TMEM94: variants seen among roughly 807,000 people sequenced by gnomAD.
The protein encoded by TMEM94 is transmembrane protein 94, also known as ER Mg2+ ATPase.
TMEM94 carries 81 observed loss-of-function variants against 158.6 expected under a neutral mutation model. That is an observed-to-expected ratio of 0.51 (90% CI 0.43 to 0.61). TMEM94 has a LOEUF of 0.61. Ranked by LOEUF, TMEM94 falls within the 20% of genes least tolerant of loss-of-function variation. The pLI is 0.00. For synonymous variants in TMEM94, 751 were observed against 730.7 expected (o/e 1.03, Z -0.45); for missense variants, 1,435 against 1,762.0 (o/e 0.81, Z 3.32).
intron 2 of TMEM94, among the ~76,000 whole-genome samples, chr17:75,480,381 C>A (rs947296429): frequency 1.3e-5 from 2 of 152,250 alleles, no homozygotes; most frequent in African/African-American, 4.8e-5. Context: ...ACATAACAAG[C>A]GGGGGCAGAT....
chr17:75,484,732 C>A (rs1223849394), intron 2 of TMEM94, among the ~76,000 whole-genome samples: 1 of 151,734 alleles, frequency 6.6e-6, no homozygotes, highest in Non-Finnish European at 1.5e-5. Context: ...TCCCTCTCTC[C>A]ATTTAAAAAA....
rs764306358 is a variant in TMEM94 at position 75,465,675 on chromosome 17, ATATATT to A, written c.-106-6123_-106-6118del. Reference sequence around the variant, plus strand: ...AATTTTTATATATATATATATATATATATATTTTTTTTTAATCCCAAAGACTTCAAA... The same window carrying A: ...AATTTTTATATATATATATATATATATTTTTTTAATCCCAAAGACTTCAAA... On this transcript the variant is annotated intron_variant, in intron 1 of 31. Transcript: ENST00000314256. Among the ~76,000 whole-genome samples the A allele has an allele frequency of 2.2e-3, 167 of 77,112 alleles. 3 individuals carry two copies. Among genetic ancestry groups the A allele is most frequent in the Middle Eastern group, 7.2e-3 (1 of 138 alleles). The allele number at this position is 77,112 out of a possible 152,430, so 50.6% of individuals were successfully genotyped here. A position where few individuals can be genotyped will look rare whatever the true frequency, so the allele number is the denominator to read the frequency against.
At chr17:75,497,921 G>T in intron 27 of TMEM94, 59 bp downstream of exon 27, 1 of 1,503,774 alleles carries the variant, frequency 6.6e-7, no homozygotes. Flanking sequence ...TGAGGATTGG[G>T]GGAGGAGAGA....
At chr17:75,490,667 T>C (rs1414684061) in intron 10 of TMEM94, 35 bp from the exon 11 acceptor site, 1 of 1,603,834 alleles carries the variant, frequency 6.2e-7, no homozygotes, top group African/African-American at 1.3e-5. Flanking sequence ...AGGCGGCGTT[T>C]TCCTCACTGA....
chr17:75,467,524 T>C (rs974868485), intron 1 of TMEM94, among the ~76,000 whole-genome samples: 5 of 136,582 alleles, frequency 3.7e-5, no homozygotes, highest in South Asian at 2.5e-4. Context: ...CTTTTTCTTT[T>C]TTTTTTTTTT....
chr17:75,478,744 C>G (rs1364732112), intron 2 of TMEM94, among the ~76,000 whole-genome samples: 1 of 152,186 alleles, frequency 6.6e-6, no homozygotes, highest in African/African-American at 2.4e-5. Context: ...TAAGCCTGAG[C>G]AGTGAAAACA....
chr17:75,478,348 AAGAAAG>A (rs1346530062), intron 2 of TMEM94, among the ~76,000 whole-genome samples: 5 of 147,906 alleles, frequency 3.4e-5, no homozygotes, highest in African/African-American at 1.3e-4. Context: ...AAAAAAAAAA[AAGAAAG>A]AAAGAAAAGA....
chr17:75,494,927 G>T lies in TMEM94; in HGVS notation c.2621G>T (p.Gly874Val). Residue 874 changes from glycine to valine, a missense_variant, in exon 20 of 32, where the codon GGC becomes GTC. This residue lies in a region of TMEM94 where 1,051 missense variants were observed against 1,254.4 expected (regional missense o/e 0.84). Coordinates refer to ENST00000314256, the MANE Select transcript of TMEM94 (RefSeq NM_014738.6). ...GCAGAAAAAATGGGCCTGGAGACAG[G>T]CTGGAACTGCCACATCTCCCTCACA... ...VFAEKMGLET[G>V]WNCHISLTPN... 1 of 1,613,478 alleles carries T rather than the reference G, an allele frequency of 6.2e-7. No individual in the cohort carries two copies. Among genetic ancestry groups the T allele is most frequent in the Non-Finnish European group, 8.5e-7 (1 of 1,180,024 alleles).
intron 1 of TMEM94, among the ~76,000 whole-genome samples, chr17:75,462,151 C>A (rs1488478026): frequency 6.6e-6 from 1 of 151,150 alleles, no homozygotes; most frequent in African/African-American, 2.4e-5. Flanking sequence ...GCTGGGACTA[C>A]AGGCGCCCAC....
chr17:75,460,547 T>A (rs886218160), intron 1 of TMEM94, among the ~76,000 whole-genome samples: 4 of 150,120 alleles, frequency 2.7e-5, no homozygotes, highest in Admixed American at 2.0e-4. Context: ...CAGAACTTGC[T>A]CTGTAGCCCA....
chr17:75,492,032 G>A lies in TMEM94; in HGVS notation c.1596+132G>A. ...CCTCTGTCCCAGCACCTCCAGGCTA[G>A]GCCAGTGGTCCCTGAGGCCCTCCCC... On this transcript the variant is annotated intron_variant, in intron 14 of 31. Coordinates refer to ENST00000314256, the MANE Select transcript of TMEM94 (RefSeq NM_014738.6). The surrounding 1 kb of genome is among the most constrained non-coding windows in gnomAD (Gnocchi z 4.4). The A allele has an allele frequency of 1.0e-6, 1 of 976,556 alleles. No individual in the cohort carries two copies. Among genetic ancestry groups the A allele is most frequent in the South Asian group, 1.6e-5 (1 of 60,672 alleles). The allele number at this position is 976,556 out of a possible 1,614,324, so 60.5% of individuals were successfully genotyped here. A position where few individuals can be genotyped will look rare whatever the true frequency, so the allele number is the denominator to read the frequency against.
intron 2 of TMEM94, among the ~76,000 whole-genome samples, chr17:75,481,271 G>C (rs927265094): frequency 6.6e-6 from 1 of 152,252 alleles, no homozygotes; most frequent in Non-Finnish European, 1.5e-5. Flanking sequence ...TTACCCATGT[G>C]GGGGTGTGAG....
chr17:75,471,453 T>C (rs1177360334), intron 1 of TMEM94, among the ~76,000 whole-genome samples: 1 of 151,950 alleles, frequency 6.6e-6, no homozygotes, highest in Non-Finnish European at 1.5e-5. Context: ...CGTACCATAC[T>C]GTGGTTTAGA....
Position 75,491,588 on chromosome 17 carries a change from G to A in TMEM94, c.1387-103G>A. 2 of 1,554,434 alleles carry A rather than the reference G, an allele frequency of 1.3e-6. No homozygotes were observed. Among genetic ancestry groups the A allele is most frequent in the Admixed American group, 1.7e-5 (1 of 58,392 alleles). ...TGGGCACCATTAGGATCTGCTTCTG[G>A]GCAGGTGAGGTGAAGACAAGGCAGC... On this transcript the variant is annotated intron_variant, in intron 13 of 31. Coordinates refer to ENST00000314256, the MANE Select transcript of TMEM94 (RefSeq NM_014738.6). This position sits in a 1 kb window ranked among gnomAD's most constrained non-coding sequence, Gnocchi z 5.1.
chr17:75,464,668 C>CTTTCTTTCT (rs1567906945), intron 1 of TMEM94, among the ~76,000 whole-genome samples: 4 of 103,944 alleles, frequency 3.8e-5, no homozygotes, highest in African/African-American at 1.4e-4. Flanking sequence ...TCCTTCCTTC[C>CTTTCTTTCT]TTCCTTCCTT....
rs563641086 is a variant in TMEM94, at chr17:75,492,421, T to G, written c.1597-53T>G. 1.3e-6 allele frequency: 2 copies of G among 1,527,188 alleles called. No homozygotes were observed. The highest frequency in any genetic ancestry group is 4.0e-5 in the Admixed American group (2 of 49,678). 94.6% of individuals were successfully genotyped at this position (1,527,188 alleles called of 1,614,324 possible). A position where few individuals can be genotyped will look rare whatever the true frequency, so the allele number is the denominator to read the frequency against. ...CTTGGGAGGTGGGCAGAGCCAGTGC[T>G]GGCTTCCCCACACCCTATCCCGGGC... On this transcript the variant is annotated intron_variant, in intron 14 of 31. Transcript: ENST00000314256. This position sits in a 1 kb window ranked among gnomAD's most constrained non-coding sequence, Gnocchi z 4.4.
chr17:75,496,926 G>A (rs1310945473), intron 25 of TMEM94, 119 bp downstream of exon 25: 5 of 1,187,446 alleles, frequency 4.2e-6, no homozygotes, highest in South Asian at 3.8e-5. Context: ...TCCCCCCAGA[G>A]CCTCTGTGAA....
intron 2 of TMEM94, among the ~76,000 whole-genome samples, chr17:75,476,059 G>T (rs2146302892): frequency 6.6e-6 from 1 of 152,288 alleles, no homozygotes; most frequent in East Asian, 1.9e-4. Flanking sequence ...TGTAACTATG[G>T]AAAGGGCTGT....
chr17:75,464,676 CTTCTTTCTTTCT>C lies in TMEM94; in HGVS notation c.-106-7104_-106-7093del, dbSNP rs376169961. Among the ~76,000 whole-genome samples, 107 of 59,944 alleles carry C rather than the reference CTTCTTTCTTTCT, an allele frequency of 1.8e-3. 1 individual carries two copies. Among genetic ancestry groups the C allele is most frequent in the East Asian group, 3.9e-3 (12 of 3,104 alleles). 39.3% of individuals were successfully genotyped at this position (59,944 alleles called of 152,430 possible). A position where few individuals can be genotyped will look rare whatever the true frequency, so the allele number is the denominator to read the frequency against. On this transcript the variant is annotated intron_variant, in intron 1 of 31. Transcript: ENST00000314256. ...CCTTCCTTCCTTCCTTCCTTCCTTC[CTTCTTTCTTTCT>C]TTCTTTCTTTCTTTCTTTCCTCTTT... is the stretch of plus-strand genomic sequence containing the variant.
Sources: allele counts gnomAD v4.1 joint callset (sites outside exome capture counted in the v4.1 genomes callset), GRCh38; gene constraint gnomAD v4.1.1; regional missense constraint gnomAD v4.1.1; non-coding constraint Gnocchi (gnomAD v3.1); transcripts MANE v1.5; gene names NCBI Gene and HGNC (gene_info 2026-07-23, HGNC 2026-07-21).